Variants in CUX1 observed in about 807,000 individuals in gnomAD.
CUX1 encodes cut like homeobox 1.
Under a neutral mutation model 158.8 loss-of-function variants are expected in CUX1, and 31 were observed. The observed-to-expected ratio is 0.20, with a 90% CI of 0.15 to 0.26. The LOEUF is 0.26. CUX1 is among the 10% of genes least tolerant of loss of function. The probability of loss-of-function intolerance (pLI) is 1.00; values close to 1 mark genes in which losing one functional copy is unlikely to be tolerated. For synonymous variants in CUX1, 879 were observed against 862.1 expected, an observed-to-expected ratio of 1.02 and a Z score of -0.34; for missense variants, 1,589 against 2,014.6, an observed-to-expected ratio of 0.79 and a Z score of 4.04.
intron 14 of CUX1, among the ~76,000 whole-genome samples, chr7:102,265,224 CGG>C (rs1563516678): frequency 2.6e-5 from 4 of 151,786 alleles, no homozygotes; most frequent in African/African-American, 9.7e-5. Context: ...GGCATGGTAG[CGG>C]GCGCCTGTAA....
At chr7:101,965,991 A>G (rs1024666763) in intron 2 of CUX1, among the ~76,000 whole-genome samples, 2 of 152,146 alleles carry the variant, frequency 1.3e-5, no homozygotes, top group Admixed American at 1.3e-4. Context: ...AACTGGAGAA[A>G]TTAGAACAGT....
At chr7:101,941,663 C>T (rs1346846752) in intron 2 of CUX1, among the ~76,000 whole-genome samples, 2 of 152,204 alleles carry the variant, frequency 1.3e-5, no homozygotes, top group Non-Finnish European at 2.9e-5. Flanking sequence ...GTAGTTTTCA[C>T]GTCGGGGCAT....
At chr7:102,228,044 C>T (rs1270920415) in intron 21 of CUX1, among the ~76,000 whole-genome samples, 1 of 151,318 alleles carries the variant, frequency 6.6e-6, no homozygotes, top group Non-Finnish European at 1.5e-5. Context: ...TCTGCCTCCC[C>T]GGTTCAAGTG....
At chr7:102,114,063 C>T (rs114947216) in intron 7 of CUX1, among the ~76,000 whole-genome samples, 1 of 152,100 alleles carries the variant, frequency 6.6e-6, no homozygotes, top group South Asian at 2.1e-4. Context: ...TTCCAGGTAT[C>T]CTGATGAGAG....
intron 9 of CUX1, among the ~76,000 whole-genome samples, chr7:102,159,478 G>C (rs1458738570): frequency 6.6e-6 from 1 of 152,162 alleles, no homozygotes; most frequent in Non-Finnish European, 1.5e-5. Flanking sequence ...GGAAAATTCA[G>C]CCATCCCCAA....
At chr7:102,156,652 A>G (rs1159477707) in intron 8 of CUX1, among the ~76,000 whole-genome samples, 1 of 152,016 alleles carries the variant, frequency 6.6e-6, no homozygotes, top group East Asian at 1.9e-4. Flanking sequence ...GTGGGTGGGT[A>G]CTCTCACTTG....
At chr7:102,152,302 G>A (rs1563317004) in intron 8 of CUX1, among the ~76,000 whole-genome samples, 1 of 152,172 alleles carries the variant, frequency 6.6e-6, no homozygotes, top group East Asian at 1.9e-4. Flanking sequence ...GCTGCAGTGA[G>A]CTATGATCGC....
chr7:102,235,345 G>A (rs2132446009), intron 22 of CUX1, among the ~76,000 whole-genome samples: 1 of 152,302 alleles, frequency 6.6e-6, no homozygotes, highest in African/African-American at 2.4e-5. Flanking sequence ...GCTGCTGCCG[G>A]TCTGACCGTA....
At chr7:102,198,639 G>A (rs1554518989) in intron 15 of CUX1, among the ~76,000 whole-genome samples, 163 bp from the exon 16 acceptor site, 2 of 152,232 alleles carry the variant, frequency 1.3e-5, no homozygotes, top group Non-Finnish European at 2.9e-5. Flanking sequence ...CGGTCAGCCA[G>A]GGAAGGGCCT....
intron 2 of CUX1, among the ~76,000 whole-genome samples, chr7:101,970,757 T>A (rs1343722876): frequency 1.3e-5 from 2 of 151,992 alleles, no homozygotes; most frequent in Non-Finnish European, 2.9e-5. Flanking sequence ...GGTTTTACCA[T>A]TTGGGGCAGG....
At chr7:102,213,517 G>T (rs1483670688) in intron 20 of CUX1, among the ~76,000 whole-genome samples, 2 of 152,178 alleles carry the variant, frequency 1.3e-5, no homozygotes, top group African/African-American at 4.8e-5. Flanking sequence ...CCTCCATCCT[G>T]GTGCTCCCTG....
At chr7:101,867,362 T>C (rs548383233) in intron 1 of CUX1, among the ~76,000 whole-genome samples, 1 of 152,152 alleles carries the variant, frequency 6.6e-6, no homozygotes, top group Non-Finnish European at 1.5e-5. Flanking sequence ...GCCCCAGGCA[T>C]CAAGGGAGGT....
At chr7:101,988,771 CAGG>C in intron 2 of CUX1, among the ~76,000 whole-genome samples, 1 of 152,058 alleles carries the variant, frequency 6.6e-6, no homozygotes, top group Non-Finnish European at 1.5e-5. Context: ...GAGGCCAAGA[CAGG>C]AGGATTGCTT....
intron 8 of CUX1, among the ~76,000 whole-genome samples, chr7:102,150,301 G>A (rs771649112): frequency 1.3e-5 from 2 of 152,046 alleles, no homozygotes; most frequent in African/African-American, 2.4e-5. Flanking sequence ...GATTACAGGC[G>A]CTCGCCACCA....
At chr7:102,123,608 CAAA>C (rs1248618884) in intron 8 of CUX1, among the ~76,000 whole-genome samples, 9 of 88,606 alleles carry the variant, frequency 1.0e-4, no homozygotes, top group Non-Finnish European at 1.2e-4. Flanking sequence ...GACTCCGTCT[CAAA>C]AAAAAAAAAA....
intron 1 of CUX1, among the ~76,000 whole-genome samples, chr7:101,876,985 C>G (rs1485006057): frequency 6.6e-6 from 1 of 152,112 alleles, no homozygotes; most frequent in Admixed American, 6.5e-5. Context: ...GGATGGGTAT[C>G]CTTGTACATC....
Position 101,935,692 on chromosome 7 carries a change from G to A in CUX1, c.141+19467G>A, listed in dbSNP as rs898622106. Among the ~76,000 whole-genome samples the A allele has an allele frequency of 2.6e-5, 4 of 152,208 alleles. No homozygotes were observed. The South Asian group carries it at 6.2e-4, about 24-fold the overall frequency. Reference sequence around the variant, plus strand: ...TGGGGATGTGTAGGAACCCGGACCTGGTGTGGCAATGGTGTGGGGCTGTCA... The same window carrying A: ...TGGGGATGTGTAGGAACCCGGACCTAGTGTGGCAATGGTGTGGGGCTGTCA... On this transcript the variant is annotated intron_variant, in intron 2 of 23. Transcript: ENST00000292535.
intron 11 of CUX1, among the ~76,000 whole-genome samples, chr7:102,183,710 A>G (rs560323404): frequency 1.3e-5 from 2 of 151,524 alleles, no homozygotes; most frequent in East Asian, 3.9e-4. Flanking sequence ...TCCCACACCA[A>G]CTCTAACCTG....
chr7:102,152,569 T>G (rs1247195294), intron 8 of CUX1, among the ~76,000 whole-genome samples: 2 of 152,162 alleles, frequency 1.3e-5, no homozygotes, highest in Non-Finnish European at 2.9e-5. Context: ...TTTTTGTACT[T>G]TTAGTAGAAA....
Sources: allele counts gnomAD v4.1 joint callset (sites outside exome capture counted in the v4.1 genomes callset), GRCh38; gene constraint gnomAD v4.1.1; transcripts MANE v1.5; gene names NCBI Gene and HGNC (gene_info 2026-07-23, HGNC 2026-07-21).